Variants in HCN1 observed in about 807,000 individuals in gnomAD.
HCN1 encodes potassium/sodium hyperpolarization-activated cyclic nucleotide-gated channel 1.
In HCN1, 13 loss-of-function variants were observed where a neutral mutation model predicts 78.9. The ratio of observed to expected loss-of-function variants is 0.16; its 90% CI spans 0.11 to 0.26. HCN1 has a LOEUF of 0.26. Among genes scored for constraint, HCN1 ranks in the 10% least tolerant of loss-of-function variants. HCN1 has a pLI of 1.00. For synonymous variants in HCN1, 552 were observed against 455.5 expected (o/e 1.21, Z -2.70); for missense variants, 810 against 1,154.3 (o/e 0.70, Z 4.32).
At chr5:45,534,766 C>G (rs966295635) in intron 2 of HCN1, among the ~76,000 whole-genome samples, 60 of 152,126 alleles carry the variant, frequency 3.9e-4, no homozygotes, top group Non-Finnish European at 8.1e-4. Context: ...ACCTGCTAAC[C>G]TTATATTTTG....
chr5:45,303,559 G>A (rs1317015793), intron 6 of HCN1, 40 bp downstream of exon 6: 3 of 1,604,202 alleles, frequency 1.9e-6, no homozygotes, highest in African/African-American at 1.3e-5. Flanking sequence ...CAAATCTCAA[G>A]CAGTTTAGAT....
chr5:45,285,148 C>T (rs780619136), intron 6 of HCN1, among the ~76,000 whole-genome samples: 1 of 151,918 alleles, frequency 6.6e-6, no homozygotes, highest in African/African-American at 2.4e-5. Context: ...AAACAGGTCA[C>T]ATTTTCCTTC....
At chr5:45,550,646 T>C (rs1743347329) in intron 2 of HCN1, among the ~76,000 whole-genome samples, 2 of 151,776 alleles carry the variant, frequency 1.3e-5, no homozygotes, top group Admixed American at 1.3e-4. Context: ...AAAGTATAAT[T>C]TTTAAAAAAA....
intron 6 of HCN1, among the ~76,000 whole-genome samples, chr5:45,296,406 TA>T (rs774748671): frequency 6.6e-6 from 1 of 151,592 alleles, no homozygotes; most frequent in African/African-American, 2.4e-5. Flanking sequence ...CAGATAATAT[TA>T]AAAAAATGAA....
Position 45,696,000 on chromosome 5 carries a change from G to A in HCN1, c.94C>T (p.Pro32Ser). The stretch of plus-strand genomic sequence containing the variant: ...CCCAGGCGCTTCTCGGCCGCGGCCG[G>A]CCCCGCGCCCGTCGCGGACGCCTTG... ...PAKASATGAGPAAAEKRLGTP... is the reference protein window; with the variant it reads ...PAKASATGAGSAAAEKRLGTP... The change falls in exon 1 of 8, where the codon CCG becomes TCG. Residue 32 changes from proline (P) to serine (S), a missense_variant. Physicochemically the swap from Pro to Ser is moderately conservative, Grantham distance 74. This residue lies in a region of HCN1 where 170 missense variants were observed against 166.8 expected (regional missense o/e 1.02). Transcript: ENST00000303230. 7.7e-7 allele frequency: 1 copy of A among 1,298,278 alleles called. No homozygotes were observed. Among genetic ancestry groups the A allele is most frequent in the African/African-American group, 1.6e-5 (1 of 64,228 alleles). The allele number at this position is 1,298,278 out of a possible 1,614,324, so 80.4% of individuals were successfully genotyped here. A position where few individuals can be genotyped will look rare whatever the true frequency, so the allele number is the denominator to read the frequency against.
chr5:45,609,806 A>G (rs987394172), intron 2 of HCN1, among the ~76,000 whole-genome samples: 1 of 152,206 alleles, frequency 6.6e-6, no homozygotes, highest in African/African-American at 2.4e-5. Flanking sequence ...ATGCAGGAGA[A>G]GCAAAGAGGA....
intron 2 of HCN1, among the ~76,000 whole-genome samples, chr5:45,631,815 G>A (rs1325134745): frequency 6.6e-6 from 1 of 152,096 alleles, no homozygotes; most frequent in Non-Finnish European, 1.5e-5. Context: ...TATAATTTAG[G>A]AGAATATGTT....
intron 4 of HCN1, among the ~76,000 whole-genome samples, chr5:45,391,565 A>G (rs1186272943): frequency 6.6e-6 from 1 of 152,190 alleles, no homozygotes; most frequent in Non-Finnish European, 1.5e-5. Flanking sequence ...TTGAAGACTT[A>G]GAATTACATG....
At chr5:45,446,889 A>C (rs960366574) in intron 3 of HCN1, among the ~76,000 whole-genome samples, 1 of 152,152 alleles carries the variant, frequency 6.6e-6, no homozygotes, top group African/African-American at 2.4e-5. Flanking sequence ...TGAAGGAAGC[A>C]CTAAACATGG....
At chr5:45,583,831 A>T (rs1011760673) in intron 2 of HCN1, among the ~76,000 whole-genome samples, 1 of 152,012 alleles carries the variant, frequency 6.6e-6, no homozygotes, top group East Asian at 1.9e-4. Flanking sequence ...TGTAGTTGGC[A>T]GTTTTGAGTG....
At chr5:45,335,658 G>T (rs1247944821) in intron 5 of HCN1, among the ~76,000 whole-genome samples, 1 of 152,042 alleles carries the variant, frequency 6.6e-6, no homozygotes, top group Non-Finnish European at 1.5e-5. Context: ...TATAACAGCT[G>T]TAAGAGCTCT....
chr5:45,547,950 G>A (rs1039073946), intron 2 of HCN1, among the ~76,000 whole-genome samples: 1 of 151,778 alleles, frequency 6.6e-6, no homozygotes, highest in Admixed American at 6.6e-5. Flanking sequence ...CTTGCCACAA[G>A]ATGATTTTTC....
At chr5:45,454,567 A>G (rs958162272) in intron 3 of HCN1, among the ~76,000 whole-genome samples, 10 of 152,052 alleles carry the variant, frequency 6.6e-5, no homozygotes, top group Non-Finnish European at 1.2e-4. Flanking sequence ...TTATCAGAAT[A>G]ATACAATTTC....
chr5:45,543,909 T>A (rs962854813), intron 2 of HCN1, among the ~76,000 whole-genome samples: 1 of 152,028 alleles, frequency 6.6e-6, no homozygotes, highest in Admixed American at 6.6e-5. Flanking sequence ...ACGAATATGA[T>A]CAATATATAA....
At chr5:45,337,624 A>T (rs1163905070) in intron 5 of HCN1, among the ~76,000 whole-genome samples, 1 of 152,162 alleles carries the variant, frequency 6.6e-6, no homozygotes, top group South Asian at 2.1e-4. Flanking sequence ...AGAGGAAGTT[A>T]AGAAAGATAG....
At chr5:45,665,683 TTG>T (rs1746030398) in intron 1 of HCN1, among the ~76,000 whole-genome samples, 1 of 152,086 alleles carries the variant, frequency 6.6e-6, no homozygotes, top group African/African-American at 2.4e-5. Context: ...AATAATTTTG[TTG>T]TGTTTGCAGA....
At chr5:45,660,082 C>A (rs1325078797) in intron 1 of HCN1, among the ~76,000 whole-genome samples, 2 of 119,026 alleles carry the variant, frequency 1.7e-5, no homozygotes, top group Non-Finnish European at 3.4e-5. Context: ...AAAGGAAAGC[C>A]CATCAGACTA....
intron 5 of HCN1, among the ~76,000 whole-genome samples, chr5:45,321,876 T>G (rs1292409074): frequency 6.6e-6 from 1 of 151,918 alleles, no homozygotes; most frequent in Non-Finnish European, 1.5e-5. Context: ...TTTTGAAAAC[T>G]AAGAAAAGCA....
chr5:45,367,371 A>G (rs1406374733), intron 4 of HCN1, among the ~76,000 whole-genome samples: 1 of 151,942 alleles, frequency 6.6e-6, no homozygotes, highest in Non-Finnish European at 1.5e-5. Flanking sequence ...GTACACATAC[A>G]TGTCAACATA....
Sources: allele counts gnomAD v4.1 joint callset (sites outside exome capture counted in the v4.1 genomes callset), GRCh38; gene constraint gnomAD v4.1.1; regional missense constraint gnomAD v4.1.1; transcripts MANE v1.5; gene names NCBI Gene and HGNC (gene_info 2026-07-23, HGNC 2026-07-21).